Variants in MID1 observed in about 807,000 individuals in gnomAD.
MID1 encodes the protein E3 ubiquitin-protein ligase Midline-1.
MID1 carries 7 observed loss-of-function variants against 40.4 expected under a neutral mutation model. The observed-to-expected ratio is 0.17, with a 90% CI of 0.10 to 0.33. The LOEUF (loss-of-function observed/expected upper bound fraction) is 0.33, where lower values mean the gene tolerates loss of function less well. Among genes scored for constraint, MID1 ranks in the 10% least tolerant of loss-of-function variants. The pLI, the probability that MID1 is intolerant of heterozygous loss-of-function variation, is 1.00. For synonymous variants in MID1, 229 were observed against 221.2 expected (o/e 1.04, Z -0.31); for missense variants, 367 against 558.5 (o/e 0.66, Z 3.46).
intron 1 of MID1, among the ~76,000 whole-genome samples, chrX:10,805,211 C>T (rs780111340): frequency 1.3e-4 from 13 of 102,026 alleles, no homozygotes; most frequent in African/African-American, 2.1e-4. Context: ...CTAATGCTAT[C>T]GCTCCCCCCT....
rs1936019390 is a variant in MID1 at position 10,628,573 on chromosome X, G to GA, written c.-186-8155dup. 8.1e-5 allele frequency among the ~76,000 whole-genome samples: 9 copies of GA among 110,893 alleles called. No homozygotes were observed. The South Asian group carries it at 3.4e-3, about 42-fold the overall frequency. On this transcript the variant is annotated intron_variant, in intron 1 of 10. Coordinates refer to the MID1 transcript ENST00000380785. ...ATTTGTCCTAAACTATATCTGTGTG[G>GA]AAAAAAAAGATAATTTTGTTATGGT...
intron 5 of MID1, among the ~76,000 whole-genome samples, chrX:10,477,686 T>C (rs1930089046): frequency 8.9e-6 from 1 of 112,220 alleles, no homozygotes; most frequent in Admixed American, 9.4e-5. Flanking sequence ...TTTACAGCCA[T>C]GTCTGGGACA....
chrX:10,588,196 A>G (rs1294682939), intron 1 of MID1, among the ~76,000 whole-genome samples: 1 of 112,708 alleles, frequency 8.9e-6, no homozygotes, highest in Non-Finnish European at 1.9e-5. Flanking sequence ...AAAAATCCAC[A>G]TTCTTATGCC....
Position 10,601,905 on chromosome X carries a change from T to TTG in MID1, c.-57+18384_-57+18385insCA, listed in dbSNP as rs1480010298. 4.1e-3 allele frequency among the ~76,000 whole-genome samples: 445 copies of TTG among 107,805 alleles called. 4 individuals carry two copies. Among genetic ancestry groups the TTG allele is most frequent in the African/African-American group, 0.014 (423 of 29,279 alleles). The allele number at this position is 107,805 out of a possible 115,157, so 93.6% of individuals were successfully genotyped here. A position where few individuals can be genotyped will look rare whatever the true frequency, so the allele number is the denominator to read the frequency against. On this transcript the variant is annotated intron_variant, in intron 1 of 9. Transcript: ENST00000317552. The stretch of plus-strand genomic sequence containing the variant: ...TTTGTTTTTGTTTTTGTTTTTGTTT[T>TTG]TTTTTTTTTGAGACAGAGTCTCGCT...
intron 1 of MID1, among the ~76,000 whole-genome samples, chrX:10,571,377 A>G (rs1934717744): frequency 8.9e-6 from 1 of 112,104 alleles, no homozygotes; most frequent in African/African-American, 3.2e-5. Flanking sequence ...AAATGACTCT[A>G]CAGTATCTTA....
intron 3 of MID1, chrX:10,506,519 T>A (rs1931850410): frequency 1.9e-6 from 1 of 514,758 alleles, no homozygotes; most frequent in African/African-American, 2.3e-5. Flanking sequence ...TTATGTAACA[T>A]CTCCCATCAG....
intron 7 of MID1, chrX:10,460,116 C>T (rs1328461997): frequency 2.9e-6 from 1 of 343,221 alleles, no homozygotes; most frequent in Non-Finnish European, 5.2e-6. Flanking sequence ...TGGTCAATAG[C>T]ATGAGGCTGA....
intron 3 of MID1, among the ~76,000 whole-genome samples, chrX:10,516,607 T>TGTGTGC (rs1932451235): frequency 7.5e-5 from 4 of 53,511 alleles, no homozygotes; most frequent in Non-Finnish European, 1.4e-4. Context: ...TGTGTGTGTG[T>TGTGTGC]GTGCGCGCGC....
At chrX:10,755,179 A>G (rs922108256) in intron 1 of MID1, among the ~76,000 whole-genome samples, 2 of 112,312 alleles carry the variant, frequency 1.8e-5, no homozygotes, top group African/African-American at 6.5e-5. Context: ...AAAAATAAGC[A>G]AAGTCCAAAT....
intron 5 of MID1, chrX:10,474,956 A>G: frequency 2.1e-6 from 1 of 480,654 alleles, no homozygotes; most frequent in Non-Finnish European, 3.7e-6. Flanking sequence ...AATTGGAGAA[A>G]ACAACAAAAT....
At chrX:10,652,764 G>A (rs1366973025) in intron 1 of MID1, among the ~76,000 whole-genome samples, 1 of 111,397 alleles carries the variant, frequency 9.0e-6, no homozygotes, top group Non-Finnish European at 1.9e-5. Context: ...CCCATCTCAG[G>A]CCTTTGCACT....
intron 5 of MID1, chrX:10,474,991 T>C (rs1415068895): frequency 2.3e-6 from 1 of 436,438 alleles, no homozygotes; most frequent in Non-Finnish European, 4.2e-6. Context: ...CTTTTTACTA[T>C]CAGGAAAAAA....
At chrX:10,537,969 ATTTAT>A (rs919464528) in intron 2 of MID1, among the ~76,000 whole-genome samples, 22 of 110,505 alleles carry the variant, frequency 2.0e-4, no homozygotes, top group African/African-American at 6.9e-4. Context: ...CCCTTTATTT[ATTTAT>A]TTATTTATTT....
chrX:10,522,965 G>T, intron 3 of MID1, 127 bp downstream of exon 3: 1 of 550,313 alleles, frequency 1.8e-6, no homozygotes, highest in Non-Finnish European at 3.0e-6. Flanking sequence ...CTTTTATTTT[G>T]GCTTTTGCAA....
At chrX:10,502,492 C>T (rs929391404) in intron 3 of MID1, among the ~76,000 whole-genome samples, 8 of 111,480 alleles carry the variant, frequency 7.2e-5, no homozygotes, top group Admixed American at 5.7e-4. Context: ...TGCACAAATC[C>T]GGAGGCTACT....
Position 10,508,800 on chromosome X carries a change from G to A in MID1, c.757-13109C>T, listed in dbSNP as rs372066301. 2.9e-4 allele frequency among the ~76,000 whole-genome samples: 32 copies of A among 111,983 alleles called. No homozygotes were observed. In the South Asian group the frequency reaches 0.011, roughly 38 times the overall value. ...CTGGGAATGGGGAGACAGAAATACC[G>A]AAGCCAGTTATATCTTACTGCCCCT... On this transcript the variant is annotated intron_variant, in intron 3 of 9. Coordinates refer to ENST00000317552, the MANE Select transcript of MID1 (RefSeq NM_000381.4).
chrX:10,564,352 T>C (rs1983746118), intron 2 of MID1, among the ~76,000 whole-genome samples: 1 of 112,526 alleles, frequency 8.9e-6, no homozygotes, highest in South Asian at 3.6e-4. Flanking sequence ...ATGCGATAAC[T>C]GAAATATCAG....
At chrX:10,553,793 A>G (rs1934018349) in intron 2 of MID1, among the ~76,000 whole-genome samples, 1 of 112,009 alleles carries the variant, frequency 8.9e-6, no homozygotes, top group African/African-American at 3.2e-5. Context: ...AGTGGAAACT[A>G]GCTCATCCTC....
intron 1 of MID1, among the ~76,000 whole-genome samples, chrX:10,707,868 G>T (rs866889467): frequency 8.9e-6 from 1 of 112,549 alleles, no homozygotes; most frequent in African/African-American, 3.2e-5. Context: ...CATCATTTTT[G>T]ATTATATCAA....
Sources: gnomAD v4.1 joint callset for allele counts (sites outside exome capture counted in the v4.1 genomes callset) on GRCh38, gnomAD v4.1.1 for gene constraint, MANE v1.5 for transcripts, NCBI Gene and HGNC (gene_info 2026-07-23, HGNC 2026-07-21) for gene names.